The following CDH4 variants were observed in gnomAD, a reference collection of about 807,000 sequenced individuals.
CDH4 encodes the protein cadherin 4.
A neutral mutation model predicts 86.0 loss-of-function variants in CDH4; 33 were observed. The ratio of observed to expected loss-of-function variants is 0.38; its 90% CI spans 0.29 to 0.51. CDH4 has a LOEUF of 0.51. Among genes scored for constraint, CDH4 ranks in the 20% least tolerant of loss-of-function variants. CDH4 has a pLI of 0.86. For missense variants in CDH4, 1,114 were observed against 1,307.4 expected (o/e 0.85, Z 2.28); for synonymous variants, 555 against 549.4 (o/e 1.01, Z -0.14).
At chr20:61,292,265 T>A (rs2427035) in intron 2 of CDH4, among the ~76,000 whole-genome samples, 57,957 of 152,144 alleles carry the variant, frequency 0.38, 11,380 homozygotes, top group African/African-American at 0.46. Flanking sequence ...TGGAGAAGAA[T>A]ATGTGGTAGA....
At chr20:61,275,004 GAAGCACCATGCGC>G (rs2084219308) in intron 2 of CDH4, among the ~76,000 whole-genome samples, 1 of 145,954 alleles carries the variant, frequency 6.9e-6, no homozygotes, top group African/African-American at 2.6e-5. Context: ...GCAGTTTGGG[GAAGCACCATGCGC>G]AGTTAGGGAG....
chr20:61,701,070 T>A (rs1369628172), intron 2 of CDH4, among the ~76,000 whole-genome samples: 1 of 152,136 alleles, frequency 6.6e-6, no homozygotes, highest in African/African-American at 2.4e-5. Context: ...ACGAAAGCCG[T>A]CAGAGAGCTC....
chr20:61,933,058 C>T lies in CDH4; in HGVS notation c.2313C>T (p.Asp771=). The change falls in exon 14 of 16, where the codon GAC becomes GAT. Residue 771 remains aspartate, a synonymous_variant. Coordinates refer to ENST00000614565, the MANE Select transcript of CDH4 (RefSeq NM_001794.5). ...KERHTKQLLI[D]PEDDVRDNIL... is the part of the protein sequence containing the mutation. Reference sequence around the variant, plus strand: ...GCCACACGAAGCAGCTGCTCATTGACCCCGAGGACGACGTCCGCGACAACA... The same window carrying T: ...GCCACACGAAGCAGCTGCTCATTGATCCCGAGGACGACGTCCGCGACAACA... The T allele has an allele frequency of 1.2e-6, 2 of 1,613,286 alleles. No homozygotes were observed. Among genetic ancestry groups the T allele is most frequent in the Non-Finnish European group, 1.7e-6 (2 of 1,180,030 alleles).
chr20:61,334,169 A>G (rs1357862264), intron 2 of CDH4, among the ~76,000 whole-genome samples: 3 of 151,944 alleles, frequency 2.0e-5, no homozygotes, highest in African/African-American at 4.8e-5. Flanking sequence ...CCATTCTGTA[A>G]CCCCCCAAGT....
intron 2 of CDH4, among the ~76,000 whole-genome samples, chr20:61,534,648 C>CTTTCTTTTTT (rs1568881693): frequency 1.8e-4 from 19 of 108,392 alleles, no homozygotes; most frequent in African/African-American, 8.4e-4. Flanking sequence ...TTCTTTCTTT[C>CTTTCTTTTTT]TTTTCTTTCT....
intron 4 of CDH4, among the ~76,000 whole-genome samples, chr20:61,779,899 C>T (rs1392036250): frequency 1.3e-5 from 2 of 152,230 alleles, no homozygotes; most frequent in Non-Finnish European, 2.9e-5. Context: ...TTTAGCCCCA[C>T]GTTATCTTTA....
chr20:61,735,422 T>G (rs11700183), intron 2 of CDH4, among the ~76,000 whole-genome samples: 8,836 of 152,202 alleles, frequency 0.058, 348 homozygotes, highest in Non-Finnish European at 0.081. Context: ...CACCCTCCTC[T>G]GTTTCTTATA....
chr20:61,391,082 C>T (rs373482275), intron 2 of CDH4, among the ~76,000 whole-genome samples: 2 of 152,050 alleles, frequency 1.3e-5, no homozygotes, highest in African/African-American at 2.4e-5. Flanking sequence ...TCTTTTTGTC[C>T]TGCATGGGGA....
intron 4 of CDH4, among the ~76,000 whole-genome samples, chr20:61,839,014 C>A (rs1212382273): frequency 6.6e-6 from 1 of 152,214 alleles, no homozygotes; most frequent in Non-Finnish European, 1.5e-5. Flanking sequence ...CTGCTCCAGG[C>A]AGCTCAGAAC....
chr20:61,627,223 GT>G (rs1354421878), intron 2 of CDH4, among the ~76,000 whole-genome samples: 1 of 152,198 alleles, frequency 6.6e-6, no homozygotes, highest in Non-Finnish European at 1.5e-5. Context: ...GTGGTTCAAG[GT>G]GAGCAAACCA....
In CDH4 at chr20:61,910,496, C is replaced by T. The variant is rs2054838511; in HGVS notation, c.1263C>T (p.Pro421=). 3.7e-6 allele frequency: 6 copies of T among 1,614,018 alleles called. No homozygotes were observed. Among genetic ancestry groups the T allele is most frequent in the Non-Finnish European group, 5.1e-6 (6 of 1,180,038 alleles). Residue 421 remains proline, a synonymous_variant, in exon 9 of 16, where the codon CCC becomes CCT. Coordinates refer to ENST00000614565, the MANE Select transcript of CDH4 (RefSeq NM_001794.5). The stretch of plus-strand genomic sequence containing the variant: ...TCACGGTGATGGACCGAGATCAGCC[C>T]CACTCTCCAAACTGGAATGCCGTTT... ...ANLTVMDRDQ[P]HSPNWNAVYR...
chr20:61,411,201 G>A (rs2085117627), intron 2 of CDH4, among the ~76,000 whole-genome samples: 1 of 151,654 alleles, frequency 6.6e-6, no homozygotes, highest in Admixed American at 6.6e-5. Context: ...AGGCTAATGA[G>A]GTGCCTGCTT....
intron 2 of CDH4, among the ~76,000 whole-genome samples, chr20:61,262,181 A>G (rs2084131458): frequency 6.6e-6 from 1 of 152,186 alleles, no homozygotes; most frequent in South Asian, 2.1e-4. Flanking sequence ...AAGTGCCACG[A>G]CTGTGCAGCT....
chr20:61,706,894 C>A (rs1179284051), intron 2 of CDH4, among the ~76,000 whole-genome samples: 1 of 152,268 alleles, frequency 6.6e-6, no homozygotes, highest in African/African-American at 2.4e-5. Context: ...GATGCAATCC[C>A]CGCAGAGGGC....
At chr20:61,615,840 A>G (rs1056580952) in intron 2 of CDH4, among the ~76,000 whole-genome samples, 15 of 152,214 alleles carry the variant, frequency 9.9e-5, no homozygotes, top group Non-Finnish European at 1.6e-4. Context: ...ATAGAACAGA[A>G]TATCAGGTTG....
chr20:61,423,873 C>T (rs1052700610), intron 2 of CDH4, among the ~76,000 whole-genome samples: 4 of 152,190 alleles, frequency 2.6e-5, no homozygotes, highest in African/African-American at 9.7e-5. Context: ...TGGCCTCTGG[C>T]GGCATCCTCA....
chr20:61,620,512 T>TCATA (rs1342307988), intron 2 of CDH4, among the ~76,000 whole-genome samples: 40 of 150,566 alleles, frequency 2.7e-4, no homozygotes, highest in Admixed American at 1.7e-3. Context: ...GATGATAGAT[T>TCATA]CGTACATACA....
At chr20:61,862,088 C>T (rs527243811) in intron 6 of CDH4, among the ~76,000 whole-genome samples, 5 of 152,296 alleles carry the variant, frequency 3.3e-5, no homozygotes, top group South Asian at 2.1e-4. Context: ...CCACGCTCTG[C>T]GCCAGCTCCT....
intron 2 of CDH4, among the ~76,000 whole-genome samples, chr20:61,557,537 A>G (rs1294077997): frequency 6.6e-6 from 1 of 152,212 alleles, no homozygotes; most frequent in Non-Finnish European, 1.5e-5. Flanking sequence ...GACTTCTGGT[A>G]TAGATTAATT....
Sources: allele counts gnomAD v4.1 joint callset (sites outside exome capture counted in the v4.1 genomes callset), GRCh38; gene constraint gnomAD v4.1.1; transcripts MANE v1.5; gene names NCBI Gene and HGNC (gene_info 2026-07-23, HGNC 2026-07-21).